Variants in CDH4 observed in about 807,000 individuals in gnomAD.
CDH4 encodes cadherin 4, also known as cadherin-4.
CDH4 carries 33 observed loss-of-function variants against 86.0 expected under a neutral mutation model. The ratio of observed to expected loss-of-function variants is 0.38; its 90% CI spans 0.29 to 0.51. The LOEUF is 0.51. CDH4 is among the 20% of genes least tolerant of loss of function. The pLI, the probability that CDH4 is intolerant of heterozygous loss-of-function variation, is 0.86. For synonymous variants in CDH4, 555 were observed against 549.4 expected, an observed-to-expected ratio of 1.01 and a Z score of -0.14; for missense variants, 1,114 against 1,307.4, an observed-to-expected ratio of 0.85 and a Z score of 2.28.
chr20:61,351,587 C>T (rs191758520), intron 2 of CDH4, among the ~76,000 whole-genome samples: 14 of 152,124 alleles, frequency 9.2e-5, no homozygotes, highest in East Asian at 1.9e-4. Context: ...ATGGGGGGGA[C>T]GTGAGATGTT....
intron 4 of CDH4, among the ~76,000 whole-genome samples, chr20:61,813,290 G>T (rs953646442): frequency 6.6e-6 from 1 of 152,066 alleles, no homozygotes; most frequent in African/African-American, 2.4e-5. Flanking sequence ...CACACCCTCG[G>T]GAGTCCACGT....
chr20:61,744,108 T>G (rs2043089139), intron 3 of CDH4, among the ~76,000 whole-genome samples: 1 of 152,214 alleles, frequency 6.6e-6, no homozygotes, highest in Admixed American at 6.5e-5. Flanking sequence ...CACTGCAAAT[T>G]CTGGAATCTC....
At position 61,533,954 on chromosome 20, in the gene CDH4, A is replaced by G. The variant is rs541968824; in HGVS notation, c.170-209609A>G. Reference sequence around the variant, plus strand: ...CTGTAGTTGGGAGGTGCTTCTTGCCATTGCTTTTGCTTTCAGACAGGAATC... The same window carrying G: ...CTGTAGTTGGGAGGTGCTTCTTGCCGTTGCTTTTGCTTTCAGACAGGAATC... On this transcript the variant is annotated intron_variant, in intron 2 of 15. Coordinates refer to ENST00000614565, the MANE Select transcript of CDH4 (RefSeq NM_001794.5). Among the ~76,000 whole-genome samples the G allele has an allele frequency of 3.3e-5, 5 of 152,006 alleles. No homozygotes were observed. The South Asian group carries it at 1.0e-3, about 32-fold the overall frequency.
At chr20:61,933,410 G>C (rs2123010235) in intron 14 of CDH4, among the ~76,000 whole-genome samples, 1 of 152,340 alleles carries the variant, frequency 6.6e-6, no homozygotes, top group Admixed American at 6.5e-5. Flanking sequence ...GGGGCTCCGG[G>C]TTGGCCAAGC....
intron 2 of CDH4, among the ~76,000 whole-genome samples, chr20:61,736,880 C>T (rs1050624160): frequency 2.0e-5 from 3 of 152,124 alleles, no homozygotes; most frequent in Non-Finnish European, 4.4e-5. Context: ...CACATTCACA[C>T]TGCCGAAGAC....
chr20:61,789,443 C>T (rs926471704), intron 4 of CDH4, among the ~76,000 whole-genome samples: 5 of 152,156 alleles, frequency 3.3e-5, no homozygotes, highest in African/African-American at 1.2e-4. Context: ...GGGGGCGGTG[C>T]CTGGGCTGGC....
At chr20:61,659,308 C>T (rs543145461) in intron 2 of CDH4, among the ~76,000 whole-genome samples, 3 of 152,328 alleles carry the variant, frequency 2.0e-5, no homozygotes, top group South Asian at 4.1e-4. Context: ...ACAATTGATC[C>T]GCTACGGAGA....
intron 2 of CDH4, among the ~76,000 whole-genome samples, chr20:61,716,031 GCCCCA>G (rs2087948843): frequency 1.3e-5 from 2 of 152,228 alleles, no homozygotes; most frequent in Non-Finnish European, 2.9e-5. Context: ...GGCAGCAGCA[GCCCCA>G]GTGCCAGCTG....
At chr20:61,918,683 C>T (rs887839384) in intron 9 of CDH4, among the ~76,000 whole-genome samples, 2 of 152,114 alleles carry the variant, frequency 1.3e-5, no homozygotes, top group African/African-American at 2.4e-5. Context: ...CGTGGTGTCG[C>T]GGTGATTGCG....
intron 6 of CDH4, among the ~76,000 whole-genome samples, chr20:61,853,421 C>A (rs565565134): frequency 1.3e-5 from 2 of 152,120 alleles, no homozygotes; most frequent in African/African-American, 4.8e-5. Flanking sequence ...GGCCCGGACT[C>A]CCCCCACAGA....
chr20:61,296,274 TGC>T (rs1600843732), intron 2 of CDH4, among the ~76,000 whole-genome samples: 1 of 12,372 alleles, frequency 8.1e-5, no homozygotes, highest in Non-Finnish European at 2.9e-4. Context: ...TGTGTGTGTG[TGC>T]GTGGGTGCGT....
intron 4 of CDH4, among the ~76,000 whole-genome samples, chr20:61,805,876 T>C (rs956361657): frequency 6.6e-6 from 1 of 152,202 alleles, no homozygotes; most frequent in African/African-American, 2.4e-5. Context: ...TATGGGATCT[T>C]CATTGCCCGG....
At chr20:61,658,077 C>A (rs1245970796) in intron 2 of CDH4, among the ~76,000 whole-genome samples, 1 of 152,156 alleles carries the variant, frequency 6.6e-6, no homozygotes, top group African/African-American at 2.4e-5. Flanking sequence ...CAGCCAGGCA[C>A]AGGAGCTCCA....
At chr20:61,439,227 G>GGTGTGCATTTCCGTTGTGCTGCA (rs764451804) in intron 2 of CDH4, among the ~76,000 whole-genome samples, 1 of 151,938 alleles carries the variant, frequency 6.6e-6, no homozygotes, top group Non-Finnish European at 1.5e-5. Flanking sequence ...AGGGTGTTGC[G>GGTGTGCATTTCCGTTGTGCTGCA]GTGTGCGTTT....
At chr20:61,689,663 A>G (rs2087629512) in intron 2 of CDH4, among the ~76,000 whole-genome samples, 1 of 150,000 alleles carries the variant, frequency 6.7e-6, no homozygotes, top group African/African-American at 2.5e-5. Flanking sequence ...TTGGCCTGGG[A>G]CATTGTTTGG....
intron 2 of CDH4, among the ~76,000 whole-genome samples, chr20:61,408,206 A>G (rs901945066): frequency 1.2e-4 from 19 of 152,158 alleles, no homozygotes; most frequent in Non-Finnish European, 2.9e-5. Flanking sequence ...ACCCAGGATC[A>G]TCTCTGCATC....
chr20:61,839,355 ATGTT>A (rs1223752707), intron 4 of CDH4, among the ~76,000 whole-genome samples: 9 of 150,728 alleles, frequency 6.0e-5, no homozygotes, highest in East Asian at 2.0e-4. Flanking sequence ...GTGTTTGTGT[ATGTT>A]TGTGTATTGA....
intron 2 of CDH4, among the ~76,000 whole-genome samples, chr20:61,346,165 G>C (rs1360914609): frequency 6.6e-6 from 1 of 152,144 alleles, no homozygotes; most frequent in Non-Finnish European, 1.5e-5. Context: ...AGGGTGAGGT[G>C]GTCATTCCAT....
intron 4 of CDH4, among the ~76,000 whole-genome samples, chr20:61,798,395 G>A (rs1018074005): frequency 3.3e-5 from 5 of 152,346 alleles, no homozygotes; most frequent in Admixed American, 2.0e-4. Context: ...TCCTCAGCCC[G>A]TCCGGACCCT....
Sources: allele counts gnomAD v4.1 joint callset (sites outside exome capture counted in the v4.1 genomes callset), GRCh38; gene constraint gnomAD v4.1.1; transcripts MANE v1.5; gene names NCBI Gene and HGNC (gene_info 2026-07-23, HGNC 2026-07-21).